The following ARMC9 variants were observed in gnomAD, a reference collection of about 807,000 sequenced individuals.
ARMC9 encodes armadillo repeat containing 9.
A neutral mutation model predicts 107.0 loss-of-function variants in ARMC9; 94 were observed. The observed-to-expected ratio is 0.88, with a 90% confidence interval of 0.74 to 1.04. The LOEUF is 1.04. Ranked by LOEUF, ARMC9 falls within the 50% of genes least tolerant of loss-of-function variation. The pLI is 0.00. For synonymous variants in ARMC9, 380 were observed against 396.9 expected, an observed-to-expected ratio of 0.96 and a Z score of 0.51; for missense variants, 942 against 1,030.1, an observed-to-expected ratio of 0.91 and a Z score of 1.17.
At position 231,235,679 on chromosome 2, in the gene ARMC9, G is replaced by C. The variant is rs557554580; in HGVS notation, c.780+298G>C. On this transcript the variant is annotated intron_variant, in intron 8 of 24. Transcript: ENST00000611582. ...GTTTTTGAGATGGAGTTTTGCTCTT[G>C]TTGCCCAGGTTGGAGTGCAATGGCG... Among the ~76,000 whole-genome samples, 26 of 152,250 alleles carry C rather than the reference G, an allele frequency of 1.7e-4. No homozygotes were observed. The East Asian group carries it at 5.0e-3, about 29-fold the overall frequency.
intron 21 of ARMC9, among the ~76,000 whole-genome samples, chr2:231,353,348 G>A (rs1483997046): frequency 4.9e-5 from 6 of 123,644 alleles, no homozygotes; most frequent in South Asian, 4.5e-4. Context: ...CACCACGCCC[G>A]GCTATTTTTT....
At position 231,263,308 on chromosome 2, in the gene ARMC9, G is replaced by C. The variant is rs558925110; in HGVS notation, c.1119+910G>C. On this transcript the variant is annotated intron_variant, in intron 12 of 24. Coordinates refer to ENST00000611582, the MANE Select transcript of ARMC9 (RefSeq NM_001352754.2). ...CTGCTGTAACAGAATACCACAGATA[G>C]GGTAATTTATAAACAATCCAAGGGT... 5.9e-5 allele frequency among the ~76,000 whole-genome samples: 9 copies of C among 152,320 alleles called. No homozygotes were observed. The South Asian group carries it at 1.9e-3, about 32-fold the overall frequency.
At chr2:231,364,321 AG>A (rs2045720498) in intron 23 of ARMC9, among the ~76,000 whole-genome samples, 1 of 152,256 alleles carries the variant, frequency 6.6e-6, no homozygotes, top group Non-Finnish European at 1.5e-5. Flanking sequence ...CCTCGCACTC[AG>A]GCCCAGGACA....
intron 1 of ARMC9, among the ~76,000 whole-genome samples, chr2:231,204,090 C>CT (rs1427416913): frequency 6.7e-6 from 1 of 149,746 alleles, no homozygotes; most frequent in Non-Finnish European, 1.5e-5. Flanking sequence ...GGGAGGACTG[C>CT]TTGAGTCCAG....
intron 17 of ARMC9, among the ~76,000 whole-genome samples, chr2:231,288,932 G>A (rs2040802140): frequency 6.6e-6 from 1 of 152,158 alleles, no homozygotes; most frequent in African/African-American, 2.4e-5. Flanking sequence ...TTTAATGATA[G>A]CTAGCTGGAA....
At chr2:231,306,482 G>A (rs6710104) in intron 19 of ARMC9, among the ~76,000 whole-genome samples, 76,609 of 151,920 alleles carry the variant, frequency 0.5, 23,099 homozygotes, top group African/African-American at 0.85. Context: ...TGGCCAAATC[G>A]ATACTTTTCT....
At chr2:231,325,098 C>T (rs2043240617) in intron 19 of ARMC9, among the ~76,000 whole-genome samples, 1 of 152,092 alleles carries the variant, frequency 6.6e-6, no homozygotes, top group Admixed American at 6.5e-5. Context: ...CTGGTACATG[C>T]CTGTGGTCCC....
Position 231,375,576 on chromosome 2 carries a change from G to A in ARMC9, c.*4041G>A, listed in dbSNP as rs922127316. ...TCTTTGGGGCTGCAGTGTGTCAGATGTGGAGACATGGTCCCACTGGCTTTC... is the reference window on the plus strand; with the variant it reads ...TCTTTGGGGCTGCAGTGTGTCAGATATGGAGACATGGTCCCACTGGCTTTC... On this transcript the variant is annotated 3_prime_UTR_variant, in exon 25 of 25. Transcript: ENST00000611582. The surrounding 1 kb of genome is among the most constrained non-coding windows in gnomAD (Gnocchi z 4.3). Among the ~76,000 whole-genome samples the A allele has an allele frequency of 2.0e-5, 3 of 152,210 alleles. No homozygotes were observed. Among genetic ancestry groups the A allele is most frequent in the Non-Finnish European group, 4.4e-5 (3 of 68,044 alleles).
chr2:231,365,847 G>A (rs1045550628), intron 23 of ARMC9, among the ~76,000 whole-genome samples: 4 of 152,070 alleles, frequency 2.6e-5, no homozygotes, highest in Non-Finnish European at 5.9e-5. Context: ...CACCCAGGCT[G>A]GAGTGCAGTG....
chr2:231,331,471 A>G (rs1291441382), intron 19 of ARMC9, among the ~76,000 whole-genome samples: 1 of 152,098 alleles, frequency 6.6e-6, no homozygotes, highest in Non-Finnish European at 1.5e-5. Flanking sequence ...TGGTGCCTTG[A>G]TCTCACAGAG....
intron 19 of ARMC9, among the ~76,000 whole-genome samples, chr2:231,314,074 T>G (rs1457156470): frequency 3.3e-5 from 5 of 150,598 alleles, no homozygotes; most frequent in South Asian, 2.1e-4. Flanking sequence ...TTCTTTTTTT[T>G]TTTTTTTTTG....
At chr2:231,225,163 A>AT (rs2034520963) in intron 6 of ARMC9, among the ~76,000 whole-genome samples, 1 of 152,228 alleles carries the variant, frequency 6.6e-6, no homozygotes, top group South Asian at 2.1e-4. Flanking sequence ...CATACACCCA[A>AT]ATTGTAATAA....
intron 18 of ARMC9, among the ~76,000 whole-genome samples, chr2:231,292,472 A>C (rs931668033): frequency 6.6e-6 from 1 of 152,168 alleles, no homozygotes; most frequent in African/African-American, 2.4e-5. Flanking sequence ...GATGTTGCCA[A>C]CTGCAGTGTG....
intron 19 of ARMC9, among the ~76,000 whole-genome samples, chr2:231,319,212 C>T (rs7589912): frequency 0.54 from 81,805 of 152,044 alleles, 25,344 homozygotes; most frequent in African/African-American, 0.87. Context: ...CAGTAAGTCA[C>T]TGACTGGGCT....
At chr2:231,310,482 G>A (rs1469118255) in intron 19 of ARMC9, among the ~76,000 whole-genome samples, 1 of 147,198 alleles carries the variant, frequency 6.8e-6, no homozygotes, top group Non-Finnish European at 1.5e-5. Context: ...TGTAATCCCA[G>A]CACTTTGGGA....
intron 20 of ARMC9, among the ~76,000 whole-genome samples, chr2:231,343,370 G>T (rs1383015642): frequency 6.6e-6 from 1 of 150,980 alleles, no homozygotes; most frequent in Non-Finnish European, 1.5e-5. Flanking sequence ...AGAAATCAAA[G>T]ATGAAATTCC....
chr2:231,214,817 T>C lies in ARMC9; in HGVS notation c.178-14T>C. 1 of 1,612,660 alleles carries C rather than the reference T, an allele frequency of 6.2e-7. No individual in the cohort carries two copies. Among genetic ancestry groups the C allele is most frequent in the South Asian group, 1.1e-5 (1 of 90,914 alleles). ...ATTTACAACGAGGTATGTAGTCTGA[T>C]GTCTTCTCCACAGAAGGATCTTGTC... On this transcript the variant is annotated splice_polypyrimidine_tract_variant and intron_variant, in intron 3 of 24. Coordinates refer to ENST00000611582, the MANE Select transcript of ARMC9 (RefSeq NM_001352754.2).
chr2:231,338,681 G>C, intron 20 of ARMC9, among the ~76,000 whole-genome samples: 1 of 151,376 alleles, frequency 6.6e-6, no homozygotes, highest in Middle Eastern at 3.4e-3. Flanking sequence ...AAATTCAAAT[G>C]TTAAAAATTG....
chr2:231,313,958 C>T (rs1575049774), intron 19 of ARMC9, among the ~76,000 whole-genome samples: 1 of 149,260 alleles, frequency 6.7e-6, no homozygotes. Context: ...CGGAATCCCA[C>T]TATGTTGCCC....
Sources: allele counts gnomAD v4.1 joint callset (sites outside exome capture counted in the v4.1 genomes callset), GRCh38; gene constraint gnomAD v4.1.1; non-coding constraint Gnocchi (gnomAD v3.1); transcripts MANE v1.5; gene names NCBI Gene and HGNC (gene_info 2026-07-23, HGNC 2026-07-21).